EML1: variants seen among roughly 807,000 people sequenced by gnomAD.
EML1 encodes the protein echinoderm microtubule-associated protein-like 1.
Under a neutral mutation model 110.4 loss-of-function variants are expected in EML1, and 27 were observed. The ratio of observed to expected loss-of-function variants is 0.24; its 90% CI spans 0.18 to 0.34. The LOEUF (loss-of-function observed/expected upper bound fraction) is 0.34. Among genes scored for constraint, EML1 ranks in the 10% least tolerant of loss-of-function variants. The probability of loss-of-function intolerance (pLI) is 1.00; values close to 1 mark genes in which losing one functional copy is unlikely to be tolerated. For synonymous variants in EML1, 344 were observed against 385.8 expected, an observed-to-expected ratio of 0.89 and a Z score of 1.27; for missense variants, 741 against 1,030.9, an observed-to-expected ratio of 0.72 and a Z score of 3.85.
At chr14:99,788,631 A>G (rs369696812), upstream of EML1, among the ~76,000 whole-genome samples, 21 of 150,260 alleles carry the variant, frequency 1.4e-4, no homozygotes, top group South Asian at 4.2e-4. Flanking sequence ...TCTCCCTAAT[A>G]TGTGTGTGTG....
upstream of EML1, among the ~76,000 whole-genome samples, chr14:99,789,186 CTATT>C (rs1244849877): frequency 3.3e-5 from 5 of 151,994 alleles, no homozygotes; most frequent in African/African-American, 9.7e-5. Flanking sequence ...GTGGAATTTT[CTATT>C]TCTTTCTTTC....
Position 99,796,936 on chromosome 14 carries a change from T to TGTGTGTGAGAGAGA in EML1, c.67+3394_67+3395insTGTGTGAGAGAGAG, listed in dbSNP as rs368044152. On this transcript the variant is annotated intron_variant, in intron 1 of 21. Transcript: ENST00000262233. ...GTGTGTGTGTGTGTGTGTGTGTGTG[T>TGTGTGTGAGAGAGA]GAGAGAGTAATAGCTTTATTGAAAT... Among the ~76,000 whole-genome samples the TGTGTGTGAGAGAGA allele has an allele frequency of 4.7e-4, 70 of 150,144 alleles. 1 individual carries two copies. The highest frequency in any genetic ancestry group is 2.8e-3 in the East Asian group (14 of 5,066).
chr14:99,827,392 G>A lies in EML1; in HGVS notation c.68-23461G>A, dbSNP rs888428934. The stretch of plus-strand genomic sequence containing the variant: ...ACTCGAAGTACCCCGGCAGAGTAGC[G>A]GCACCTAGTAGCCACAAGTAAGGTG... On this transcript the variant is annotated intron_variant, in intron 1 of 21. Coordinates refer to ENST00000262233, the MANE Select transcript of EML1 (RefSeq NM_004434.3). This position sits in a 1 kb window ranked among gnomAD's most constrained non-coding sequence, Gnocchi z 4.4. Among the ~76,000 whole-genome samples, 5 of 152,158 alleles carry A rather than the reference G, an allele frequency of 3.3e-5. No homozygotes were observed. The East Asian group carries it at 5.8e-4, about 18-fold the overall frequency.
chr14:99,793,338 A>G (rs1265309681), upstream of EML1: 3 of 980,858 alleles, frequency 3.1e-6, no homozygotes, highest in African/African-American at 1.8e-5. Context: ...CGGGGTTGCC[A>G]TGGTAACCGG....
At chr14:99,893,699 T>C (rs921956519) in intron 5 of EML1, among the ~76,000 whole-genome samples, 2 of 152,248 alleles carry the variant, frequency 1.3e-5, no homozygotes, top group Admixed American at 1.3e-4. Context: ...TTGAGTTGTG[T>C]ACAGGTATCC....
At chr14:99,902,390 A>C (rs1482404982) in intron 9 of EML1, among the ~76,000 whole-genome samples, 2 of 152,204 alleles carry the variant, frequency 1.3e-5, no homozygotes, top group African/African-American at 4.8e-5. Flanking sequence ...GCAGTCAGAG[A>C]TCACTGGTTG....
At chr14:99,867,251 C>T (rs1461963546) in intron 3 of EML1, among the ~76,000 whole-genome samples, 2 of 152,170 alleles carry the variant, frequency 1.3e-5, no homozygotes, top group Admixed American at 1.3e-4. Flanking sequence ...GTTTTAAAAT[C>T]AGGAAATGGG....
At chr14:99,782,349 T>C (rs2057549321) in intron 1 of EML1, among the ~76,000 whole-genome samples, 1 of 152,164 alleles carries the variant, frequency 6.6e-6, no homozygotes, top group Non-Finnish European at 1.5e-5. Context: ...GTGCAGGCAG[T>C]ACCAGCTAGG....
At chr14:99,934,520 G>A (rs759066932) in intron 17 of EML1, among the ~76,000 whole-genome samples, 2 of 152,242 alleles carry the variant, frequency 1.3e-5, no homozygotes, top group Non-Finnish European at 2.9e-5. Flanking sequence ...AAAGAAGGAG[G>A]GGAGAAACAA....
At chr14:99,932,346 C>T (rs931953395) in intron 17 of EML1, among the ~76,000 whole-genome samples, 25 of 152,276 alleles carry the variant, frequency 1.6e-4, no homozygotes, top group African/African-American at 5.8e-4. Context: ...TCTTTAAAAA[C>T]AGATATGGGG....
Position 99,937,800 on chromosome 14 carries a change from CTG to C in EML1, c.2096-15_2096-14del. 4 of 1,612,542 alleles carry C rather than the reference CTG, an allele frequency of 2.5e-6. No homozygotes were observed. In the South Asian group the frequency reaches 4.4e-5, roughly 18 times the overall value. On this transcript the variant is annotated splice_polypyrimidine_tract_variant and intron_variant, in intron 19 of 21. Transcript: ENST00000262233. ...GGGCCTTGGCTTAGATGTTGCCAGA[CTG>C]TTTGCTTTTTGCAGGGGTTCCCTCT...
intron 1 of EML1, among the ~76,000 whole-genome samples, chr14:99,807,964 A>G (rs1012910837): frequency 2.6e-5 from 4 of 152,134 alleles, no homozygotes; most frequent in Non-Finnish European, 4.4e-5. Context: ...CTCTGTGGTC[A>G]TGCTTTATCA....
chr14:99,919,151 T>A (rs777201633), intron 16 of EML1, among the ~76,000 whole-genome samples: 1 of 152,214 alleles, frequency 6.6e-6, no homozygotes, highest in Non-Finnish European at 1.5e-5. Flanking sequence ...TTATTATCAT[T>A]GCTTTCCAGG....
intron 9 of EML1, 101 bp downstream of exon 9, chr14:99,901,140 G>A: frequency 1.0e-6 from 1 of 987,624 alleles, no homozygotes; most frequent in South Asian, 1.4e-5. Context: ...TACCTGCCTG[G>A]GTGTATGTAC....
At chr14:99,769,713 T>C (rs968448142), upstream of EML1, among the ~76,000 whole-genome samples, 3 of 152,228 alleles carry the variant, frequency 2.0e-5, no homozygotes, top group African/African-American at 4.8e-5. Flanking sequence ...CAGATGTACC[T>C]GCCTTTAATG....
chr14:99,926,526 C>G (rs1804497158), intron 17 of EML1, among the ~76,000 whole-genome samples: 1 of 151,886 alleles, frequency 6.6e-6, no homozygotes, highest in South Asian at 2.1e-4. Flanking sequence ...CTCAAGTGAT[C>G]TGCCCGCCTC....
Position 99,918,616 on chromosome 14 carries a change from G to A in EML1, c.1820+767G>A, listed in dbSNP as rs533336479. On this transcript the variant is annotated intron_variant, in intron 16 of 21. Coordinates refer to ENST00000262233, the MANE Select transcript of EML1 (RefSeq NM_004434.3). ...GAAGATCGTTTGAGGCTAGGAGTTCGAGACCAGCCTGGGCAACACAGCAAG... is the reference window on the plus strand; with the variant it reads ...GAAGATCGTTTGAGGCTAGGAGTTCAAGACCAGCCTGGGCAACACAGCAAG... 6.6e-5 allele frequency among the ~76,000 whole-genome samples: 10 copies of A among 152,126 alleles called. No individual in the cohort carries two copies. In the South Asian group the frequency reaches 1.9e-3, roughly 28 times the overall value.
intron 2 of EML1, among the ~76,000 whole-genome samples, chr14:99,859,639 C>T (rs936170440): frequency 2.6e-5 from 4 of 152,094 alleles, no homozygotes; most frequent in African/African-American, 9.7e-5. Context: ...TGAGTTCCTT[C>T]CCCTCCTCTC....
At chr14:99,828,794 A>G (rs115964832) in intron 1 of EML1, among the ~76,000 whole-genome samples, 2 of 152,200 alleles carry the variant, frequency 1.3e-5, no homozygotes, top group Non-Finnish European at 1.5e-5. Flanking sequence ...TTCTTCAAAT[A>G]AGCTGGAGAA....
Sources: allele counts gnomAD v4.1 joint callset (sites outside exome capture counted in the v4.1 genomes callset), GRCh38; gene constraint gnomAD v4.1.1; non-coding constraint Gnocchi (gnomAD v3.1); transcripts MANE v1.5; gene names NCBI Gene and HGNC (gene_info 2026-07-23, HGNC 2026-07-21).